Variants in H2BC8 observed in about 807,000 individuals in gnomAD.
H2BC8 encodes H2B clustered histone 8.
In H2BC8, 11 loss-of-function variants were observed where a neutral mutation model predicts 6.3. That is an observed-to-expected ratio of 1.75 (90% confidence interval 1.10 to 2.89). H2BC8 has a LOEUF of 2.89. Among genes scored for constraint, H2BC8 ranks in the 30% most tolerant of loss-of-function variants. The pLI, the probability that H2BC8 is intolerant of heterozygous loss-of-function variation, is 0.00. For missense variants in H2BC8, 195 were observed against 165.2 expected (o/e 1.18, Z -0.99); for synonymous variants, 150 against 65.8 (o/e 2.28, Z -6.19).
chr6:26,216,426 C>G lies in H2BC8; in HGVS notation c.218G>C (p.Arg73Pro), dbSNP rs760189973. Residue 73 changes from arginine to proline, a missense_variant, in exon 1 of 1, where the codon CGC becomes CCC. Coordinates refer to ENST00000541790, the MANE Select transcript of H2BC8 (RefSeq NM_003518.4). Reference protein sequence around the residue: ...MNSFVNDIFERIAGEASRLAH... With the variant: ...MNSFVNDIFEPIAGEASRLAH... ...CAGACGGGAAGCCTCGCCTGCGATG[C>G]GTTCGAAGATGTCGTTAACGAAGGA... The G allele has an allele frequency of 6.2e-7, 1 of 1,614,222 alleles. No individual in the cohort carries two copies.
rs1266940763 is a variant in H2BC8, at chr6:26,216,655, A to C, written c.-12T>G. 6.2e-6 allele frequency: 10 copies of C among 1,605,896 alleles called. No individual in the cohort carries two copies. The highest frequency in any genetic ancestry group is 8.5e-6 in the Non-Finnish European group (10 of 1,176,910). On this transcript the variant is annotated 5_prime_UTR_variant, in exon 1 of 1. Coordinates refer to ENST00000541790, the MANE Select transcript of H2BC8 (RefSeq NM_003518.4). ...GCTGGTTCAGGCATGCTGTCAGAAA[A>C]CAATAACAGCAGTGAGAATGAACGC...
In H2BC8 at chr6:26,216,674, T is replaced by C. The variant is rs550494686; in HGVS notation, c.-31A>G. The stretch of plus-strand genomic sequence containing the variant: ...CAGAAAACAATAACAGCAGTGAGAA[T>C]GAACGCACTTAAATAAAAGCTCGTG... On this transcript the variant is annotated 5_prime_UTR_variant, in exon 1 of 1. Coordinates refer to ENST00000541790, the MANE Select transcript of H2BC8 (RefSeq NM_003518.4). 8.8e-6 allele frequency: 14 copies of C among 1,586,262 alleles called. No homozygotes were observed. Among genetic ancestry groups the C allele is most frequent in the East Asian group, 2.2e-5 (1 of 44,680 alleles).
chr6:26,216,687 A>G lies in H2BC8; in HGVS notation c.-44T>C, dbSNP rs1055879992. 28 of 1,573,508 alleles carry G rather than the reference A, an allele frequency of 1.8e-5. No individual in the cohort carries two copies. Among genetic ancestry groups the G allele is most frequent in the Non-Finnish European group, 2.4e-5 (28 of 1,163,506 alleles). On this transcript the variant is annotated 5_prime_UTR_variant, in exon 1 of 1. Coordinates refer to ENST00000541790, the MANE Select transcript of H2BC8 (RefSeq NM_003518.4). ...CAGCAGTGAGAATGAACGCACTTAA[A>G]TAAAAGCTCGTGTCTAGAGTCTCTC...
chr6:26,216,367 T>C lies in H2BC8; in HGVS notation c.277A>G (p.Arg93Gly). The C allele has an allele frequency of 6.2e-7, 1 of 1,614,152 alleles. No individual in the cohort carries two copies. The highest frequency in any genetic ancestry group is 8.5e-7 in the Non-Finnish European group (1 of 1,180,030). The change falls in exon 1 of 1, where the codon AGG (arginine) becomes GGG (glycine). Residue 93 changes from arginine (R) to glycine (G), a missense_variant. Transcript: ENST00000541790. ...HYNKRSTITSREIQTAVRLLL... is the reference protein window; with the variant it reads ...HYNKRSTITSGEIQTAVRLLL... Reference sequence around the variant, plus strand: ...AGACGCACGGCGGTCTGGATCTCCCTGGAGGTAATGGTCGAGCGCTTGTTG... The same window carrying C: ...AGACGCACGGCGGTCTGGATCTCCCCGGAGGTAATGGTCGAGCGCTTGTTG...
chr6:26,216,677 A>C lies in H2BC8; in HGVS notation c.-34T>G. 11 of 1,584,498 alleles carry C rather than the reference A, an allele frequency of 6.9e-6. No homozygotes were observed. The highest frequency in any genetic ancestry group is 9.4e-6 in the Non-Finnish European group (11 of 1,168,238). ...AAAACAATAACAGCAGTGAGAATGA[A>C]CGCACTTAAATAAAAGCTCGTGTCT... On this transcript the variant is annotated 5_prime_UTR_variant, in exon 1 of 1. Coordinates refer to ENST00000541790, the MANE Select transcript of H2BC8 (RefSeq NM_003518.4).
chr6:26,216,264 T>C lies in H2BC8; in HGVS notation c.380A>G (p.Ter127=), dbSNP rs775404879. The C allele has an allele frequency of 6.3e-7, 1 of 1,597,520 alleles. No homozygotes were observed. The highest frequency in any genetic ancestry group is 1.1e-5 in the South Asian group (1 of 88,936). The change falls in exon 1 of 1, where the codon TAA becomes TGA. Residue 127 remains the stop codon, a stop_retained_variant. Coordinates refer to ENST00000541790, the MANE Select transcript of H2BC8 (RefSeq NM_003518.4). The part of the protein sequence containing the change: ...KAVTKYTSSK[*] ...GTTTTAAAGCACCTAAGCACACATT[T>C]ACTTGGAGCTTGTATACTTGGTGAC...
Position 26,216,323 on chromosome 6 carries a change from C to G in H2BC8, c.321G>C (p.Leu107=). 1 of 1,613,848 alleles carries G rather than the reference C, an allele frequency of 6.2e-7. No homozygotes were observed. Among genetic ancestry groups the G allele is most frequent in the Non-Finnish European group, 8.5e-7 (1 of 1,179,820 alleles). The change falls in exon 1 of 1, where the codon CTG becomes CTC. Residue 107 remains leucine, a synonymous_variant. Transcript: ENST00000541790. ...TACCTTCGGACACTGCGTGCTTGGC[C>G]AGCTCTCCGGGAAGCAGCAGACGCA... ...TAVRLLLPGE[L]AKHAVSEGTK...
In H2BC8 at chr6:26,216,613, G is replaced by T; in HGVS notation, c.31C>A (p.Pro11Thr). 1 of 1,614,022 alleles carries T rather than the reference G, an allele frequency of 6.2e-7. No homozygotes were observed. The change falls in exon 1 of 1, where the codon CCG becomes ACG. Residue 11 changes from proline to threonine, a missense_variant. Transcript: ENST00000541790. ...ACAGCCTTCTTGGAACCCTTCTTCGGAGCAGGAGCTGACTTAGCTGGTTCA... is the reference window on the plus strand; with the variant it reads ...ACAGCCTTCTTGGAACCCTTCTTCGTAGCAGGAGCTGACTTAGCTGGTTCA... The part of the protein sequence containing the change: MPEPAKSAPA[P>T]KKGSKKAVTK...
rs769401291 is a variant in H2BC8, at chr6:26,216,631, C to T, written c.13G>A (p.Ala5Thr). Residue 5 changes from alanine to threonine, a missense_variant, in exon 1 of 1, where the codon GCT becomes ACT. By Grantham distance (58) the Ala-to-Thr change is moderately conservative. Coordinates refer to ENST00000541790, the MANE Select transcript of H2BC8 (RefSeq NM_003518.4). ...TTCTTCGGAGCAGGAGCTGACTTAG[C>T]TGGTTCAGGCATGCTGTCAGAAAAC... MPEP[A>T]KSAPAPKKGS... The T allele has an allele frequency of 4.3e-6, 7 of 1,612,936 alleles. No individual in the cohort carries two copies. Among genetic ancestry groups the T allele is most frequent in the Non-Finnish European group, 5.1e-6 (6 of 1,179,594 alleles).
Position 26,216,339 on chromosome 6 carries a change from A to AG in H2BC8, c.304dup (p.Leu102ProfsTer47). On this transcript the variant is annotated frameshift_variant, in exon 1 of 1. Transcript: ENST00000541790. LOFTEE classifies it high-confidence loss of function. ...GTGCTTGGCCAGCTCTCCGGGAAGC[A>AG]GCAGACGCACGGCGGTCTGGATCTC... The AG allele has an allele frequency of 6.2e-7, 1 of 1,614,146 alleles. No homozygotes were observed. The highest frequency in any genetic ancestry group is 8.5e-7 in the Non-Finnish European group (1 of 1,179,972).
Position 26,216,361 on chromosome 6 carries a change from T to C in H2BC8, c.283A>G (p.Ile95Val). Reference sequence around the variant, plus strand: ...AGCAGCAGACGCACGGCGGTCTGGATCTCCCTGGAGGTAATGGTCGAGCGC... The same window carrying C: ...AGCAGCAGACGCACGGCGGTCTGGACCTCCCTGGAGGTAATGGTCGAGCGC... ...NKRSTITSRE[I>V]QTAVRLLLPG... is the part of the protein sequence containing the mutation. Residue 95 changes from isoleucine to valine, a missense_variant, in exon 1 of 1, where the codon ATC becomes GTC. Transcript: ENST00000541790. The C allele has an allele frequency of 6.2e-7, 1 of 1,614,156 alleles. No homozygotes were observed. The highest frequency in any genetic ancestry group is 8.5e-7 in the Non-Finnish European group (1 of 1,180,028).
rs1765393875 is a variant in H2BC8 at position 26,216,201 on chromosome 6, T to A, written c.*62A>T. ...CGGTGAAATTCAATATTAAAGCTCT[T>A]TATGTGAGACTTGAGTGGCTCTGAA... On this transcript the variant is annotated 3_prime_UTR_variant, in exon 1 of 1. Transcript: ENST00000541790. 1.3e-6 allele frequency: 2 copies of A among 1,501,040 alleles called. No individual in the cohort carries two copies. The highest frequency in any genetic ancestry group is 1.8e-6 in the Non-Finnish European group (2 of 1,120,030). The allele number at this position is 1,501,040 out of a possible 1,614,324, so 93.0% of individuals were successfully genotyped here. A position where few individuals can be genotyped will look rare whatever the true frequency, so the allele number is the denominator to read the frequency against.
chr6:26,216,374 A>T lies in H2BC8; in HGVS notation c.270T>A (p.Ile90=), dbSNP rs967879011. 1.2e-6 allele frequency: 2 copies of T among 1,614,128 alleles called. No individual in the cohort carries two copies. The highest frequency in any genetic ancestry group is 3.3e-5 in the Admixed American group (2 of 60,012). The part of the protein sequence containing the change: ...RLAHYNKRST[I]TSREIQTAVR... ...CGGCGGTCTGGATCTCCCTGGAGGT[A>T]ATGGTCGAGCGCTTGTTGTAGTGGG... Residue 90 remains isoleucine (I), a synonymous_variant, in exon 1 of 1, where the codon ATT becomes ATA. Transcript: ENST00000541790.
Position 26,216,367 on chromosome 6 carries a change from T to G in H2BC8, c.277A>C (p.Arg93=), listed in dbSNP as rs1163566270. Residue 93 remains arginine (R), a synonymous_variant, in exon 1 of 1, where the codon AGG becomes CGG. Coordinates refer to ENST00000541790, the MANE Select transcript of H2BC8 (RefSeq NM_003518.4). Reference sequence around the variant, plus strand: ...AGACGCACGGCGGTCTGGATCTCCCTGGAGGTAATGGTCGAGCGCTTGTTG... The same window carrying G: ...AGACGCACGGCGGTCTGGATCTCCCGGGAGGTAATGGTCGAGCGCTTGTTG... ...HYNKRSTITS[R]EIQTAVRLLL... 3 of 1,614,152 alleles carry G rather than the reference T, an allele frequency of 1.9e-6. No individual in the cohort carries two copies. The highest frequency in any genetic ancestry group is 2.2e-5 in the South Asian group (2 of 91,084).
chr6:26,216,622 C>T lies in H2BC8; in HGVS notation c.22G>A (p.Ala8Thr). The T allele has an allele frequency of 6.2e-7, 1 of 1,613,282 alleles. No homozygotes were observed. Among genetic ancestry groups the T allele is most frequent in the Non-Finnish European group, 8.5e-7 (1 of 1,179,744 alleles). The change falls in exon 1 of 1, where the codon GCT becomes ACT. Residue 8 changes from alanine to threonine, a missense_variant. Coordinates refer to ENST00000541790, the MANE Select transcript of H2BC8 (RefSeq NM_003518.4). MPEPAKSAPAPKKGSKKA... is the reference protein window; with the variant it reads MPEPAKSTPAPKKGSKKA... ...TTGGAACCCTTCTTCGGAGCAGGAG[C>T]TGACTTAGCTGGTTCAGGCATGCTG...
chr6:26,216,273 C>T lies in H2BC8; in HGVS notation c.371G>A (p.Ser124Asn), dbSNP rs774567730. The stretch of plus-strand genomic sequence containing the variant: ...CACCTAAGCACACATTTACTTGGAG[C>T]TTGTATACTTGGTGACAGCCTTGGT... ...EGTKAVTKYTSSK is the reference protein window; with the variant it reads ...EGTKAVTKYTNSK Residue 124 changes from serine to asparagine, a missense_variant, in exon 1 of 1, where the codon AGC becomes AAC. Ser to Asn is a conservative substitution (Grantham distance 46). Coordinates refer to ENST00000541790, the MANE Select transcript of H2BC8 (RefSeq NM_003518.4). The T allele has an allele frequency of 2.5e-6, 4 of 1,605,094 alleles. No individual in the cohort carries two copies. Among genetic ancestry groups the T allele is most frequent in the Non-Finnish European group, 3.4e-6 (4 of 1,175,084 alleles).
At position 26,216,650 on chromosome 6, in the gene H2BC8, AG is replaced by A; in HGVS notation, c.-8del. ...ACTTAGCTGGTTCAGGCATGCTGTC[AG>A]AAAACAATAACAGCAGTGAGAATGA... On this transcript the variant is annotated 5_prime_UTR_variant, in exon 1 of 1. Transcript: ENST00000541790. 1 of 1,607,170 alleles carries A rather than the reference AG, an allele frequency of 6.2e-7. No homozygotes were observed. The highest frequency in any genetic ancestry group is 8.5e-7 in the Non-Finnish European group (1 of 1,177,510).
rs759761140 is a variant in H2BC8, at chr6:26,216,214, G to C, written c.*49C>G. Reference sequence around the variant, plus strand: ...TATTAAAGCTCTTTATGTGAGACTTGAGTGGCTCTGAAAAGAGCCTTTGAG... The same window carrying C: ...TATTAAAGCTCTTTATGTGAGACTTCAGTGGCTCTGAAAAGAGCCTTTGAG... On this transcript the variant is annotated 3_prime_UTR_variant, in exon 1 of 1. Transcript: ENST00000541790. 18 of 1,515,992 alleles carry C rather than the reference G, an allele frequency of 1.2e-5. No homozygotes were observed. Among genetic ancestry groups the C allele is most frequent in the Non-Finnish European group, 1.4e-5 (16 of 1,129,330 alleles). 93.9% of individuals were successfully genotyped at this position (1,515,992 alleles called of 1,614,324 possible).
rs755586518 is a variant in H2BC8, at chr6:26,216,390, T to C, written c.254A>G (p.Asn85Ser). 3.1e-6 allele frequency: 5 copies of C among 1,614,140 alleles called. No individual in the cohort carries two copies. The highest frequency in any genetic ancestry group is 1.7e-5 in the Admixed American group (1 of 60,010). Residue 85 changes from asparagine to serine, a missense_variant, in exon 1 of 1, where the codon AAC becomes AGC. Physicochemically the swap from Asn to Ser is conservative, Grantham distance 46 (BLOSUM62 1). Transcript: ENST00000541790. ...AGEASRLAHY[N>S]KRSTITSREI... ...CCTGGAGGTAATGGTCGAGCGCTTG[T>C]TGTAGTGGGCCAGACGGGAAGCCTC... is the stretch of plus-strand genomic sequence containing the variant.
Sources: allele counts gnomAD v4.1 joint callset, GRCh38; gene constraint gnomAD v4.1.1; transcripts MANE v1.5; gene names NCBI Gene and HGNC (gene_info 2026-07-23, HGNC 2026-07-21).